SMG6: variants seen among roughly 807,000 people sequenced by gnomAD.
SMG6 encodes telomerase-binding protein EST1A.
SMG6 carries 66 observed loss-of-function variants against 142.2 expected under a neutral mutation model. The observed-to-expected ratio is 0.46, with a 90% CI of 0.38 to 0.57. SMG6 has a LOEUF of 0.57. SMG6 is among the 20% of genes least tolerant of loss of function. The probability of loss-of-function intolerance (pLI) is 0.00; values close to 1 mark genes in which losing one functional copy is unlikely to be tolerated. For missense variants in SMG6, 1,793 were observed against 1,832.0 expected (o/e 0.98, Z 0.39); for synonymous variants, 779 against 702.4 (o/e 1.11, Z -1.72).
At chr17:2,164,940 GAA>G (rs111948381) in intron 13 of SMG6, among the ~76,000 whole-genome samples, 2 of 145,232 alleles carry the variant, frequency 1.4e-5, no homozygotes, top group African/African-American at 2.5e-5. Flanking sequence ...CCATCTCAAG[GAA>G]AAAAAAAAAA....
intron 13 of SMG6, among the ~76,000 whole-genome samples, chr17:2,130,990 C>G (rs1183070271): frequency 6.6e-6 from 1 of 152,072 alleles, no homozygotes; most frequent in Non-Finnish European, 1.5e-5. Context: ...ACGACAAGAG[C>G]AAGACTCCGT....
intron 10 of SMG6, among the ~76,000 whole-genome samples, chr17:2,227,668 G>A (rs999617757): frequency 6.6e-6 from 1 of 152,140 alleles, no homozygotes; most frequent in Non-Finnish European, 1.5e-5. Context: ...TAGTAACTTG[G>A]GCATGTAAAT....
chr17:2,172,903 C>T (rs1410027074), intron 12 of SMG6, 44 bp from the exon 13 acceptor site: 1 of 1,566,362 alleles, frequency 6.4e-7, no homozygotes, highest in Non-Finnish European at 8.8e-7. Context: ...AAAGAGGGAC[C>T]AGTAAAAAAA....
chr17:2,155,178 T>TA (rs985555188), intron 13 of SMG6, among the ~76,000 whole-genome samples: 4 of 151,730 alleles, frequency 2.6e-5, no homozygotes, highest in African/African-American at 9.7e-5. Context: ...TTAGCACCCC[T>TA]AGCAGCTGGG....
intron 4 of SMG6, among the ~76,000 whole-genome samples, chr17:2,296,980 T>C (rs2151407471): frequency 7.3e-6 from 1 of 137,416 alleles, no homozygotes; most frequent in East Asian, 2.1e-4. Flanking sequence ...CCAGCCTGGG[T>C]GACATGAATG....
At chr17:2,123,559 C>T (rs1247579964) in intron 13 of SMG6, among the ~76,000 whole-genome samples, 1 of 152,234 alleles carries the variant, frequency 6.6e-6, no homozygotes, top group Non-Finnish European at 1.5e-5. Flanking sequence ...CACCTATACA[C>T]TTCTGCCCAC....
chr17:2,188,545 C>G (rs768937256), intron 10 of SMG6, 30 bp from the exon 11 acceptor site: 1 of 1,595,280 alleles, frequency 6.3e-7, no homozygotes, highest in African/African-American at 1.3e-5. Context: ...ACTCTCAGCG[C>G]CCCAGGCGGA....
At chr17:2,172,565 G>A in intron 13 of SMG6, 93 bp downstream of exon 13, 1 of 1,323,376 alleles carries the variant, frequency 7.6e-7, no homozygotes, top group African/African-American at 1.5e-5. Context: ...ACTTAATCAT[G>A]TTCCATTTGC....
At chr17:2,070,884 G>A (rs1417924165) in intron 15 of SMG6, among the ~76,000 whole-genome samples, 1 of 152,198 alleles carries the variant, frequency 6.6e-6, no homozygotes, top group Non-Finnish European at 1.5e-5. Context: ...CCTGGCTTGG[G>A]CAGTTTGTAA....
intron 13 of SMG6, chr17:2,127,583 C>G (rs1353121951): frequency 1.0e-5 from 6 of 586,806 alleles, no homozygotes; most frequent in Non-Finnish European, 1.7e-5. Flanking sequence ...ACGGCCCAAT[C>G]TTGCTGGGCA....
chr17:2,230,621 A>G (rs1334643400), intron 10 of SMG6, among the ~76,000 whole-genome samples: 3 of 152,202 alleles, frequency 2.0e-5, no homozygotes, highest in Admixed American at 6.5e-5. Flanking sequence ...AAGTGGAAAG[A>G]CAGGTGGGTC....
intron 6 of SMG6, among the ~76,000 whole-genome samples, chr17:2,289,767 G>A (rs1326891431): frequency 6.6e-6 from 1 of 151,726 alleles, no homozygotes; most frequent in African/African-American, 2.4e-5. Context: ...AAAAAAATTA[G>A]CAGGGGCTGG....
intron 8 of SMG6, among the ~76,000 whole-genome samples, chr17:2,277,578 A>G (rs2074690467): frequency 1.3e-5 from 2 of 152,160 alleles, no homozygotes; most frequent in African/African-American, 4.8e-5. Flanking sequence ...TTGTGCTCCT[A>G]ACTCCATTTT....
rs183168304 is a variant in SMG6, at chr17:2,236,976, C to T, written c.2724-339G>A. 1.0e-4 allele frequency: 39 copies of T among 384,958 alleles called. No individual in the cohort carries two copies. The East Asian group carries it at 1.6e-3, about 16-fold the overall frequency. 23.8% of individuals were successfully genotyped at this position (384,958 alleles called of 1,614,324 possible). ...TATCAAAGTTTCTCTCTGAAACCAT[C>T]GGCTTTTCTAAATACTCAACAAATT... On this transcript the variant is annotated intron_variant, in intron 9 of 18. Transcript: ENST00000263073.
chr17:2,267,269 G>C (rs2074440811), intron 8 of SMG6, among the ~76,000 whole-genome samples: 7 of 152,006 alleles, frequency 4.6e-5, no homozygotes, highest in Admixed American at 4.6e-4. Flanking sequence ...AAGTGGAGCA[G>C]TCAAGACTCA....
At chr17:2,090,145 C>T (rs1358387839) in intron 13 of SMG6, among the ~76,000 whole-genome samples, 4 of 144,834 alleles carry the variant, frequency 2.8e-5, no homozygotes, top group Non-Finnish European at 6.0e-5. Flanking sequence ...ATTGCACCAC[C>T]GCACTCCAGC....
intron 13 of SMG6, chr17:2,088,173 C>T: frequency 2.0e-6 from 2 of 985,430 alleles, no homozygotes; most frequent in East Asian, 1.1e-4. Flanking sequence ...GACACATGCA[C>T]AGACAGGCGG....
rs1350509482 is a variant in SMG6 at position 2,162,992 on chromosome 17, T to C, written c.3357+9666A>G. 2.6e-5 allele frequency among the ~76,000 whole-genome samples: 4 copies of C among 151,550 alleles called. No individual in the cohort carries two copies. In the East Asian group the frequency reaches 5.9e-4, roughly 22 times the overall value. On this transcript the variant is annotated intron_variant, in intron 13 of 18. Transcript: ENST00000263073. The stretch of plus-strand genomic sequence containing the variant: ...GACTACAGATGCACACCACCACACC[T>C]GACTGATTTTTTAATTTTTTATAGA...
At chr17:2,261,723 T>TA (rs919669896) in intron 8 of SMG6, among the ~76,000 whole-genome samples, 5 of 152,154 alleles carry the variant, frequency 3.3e-5, no homozygotes, top group Non-Finnish European at 7.4e-5. Context: ...GGAAAGAGAT[T>TA]AAAAAATCTG....
Sources: allele counts gnomAD v4.1 joint callset (sites outside exome capture counted in the v4.1 genomes callset), GRCh38; gene constraint gnomAD v4.1.1; transcripts MANE v1.5; gene names NCBI Gene and HGNC (gene_info 2026-07-23, HGNC 2026-07-21).